Variants in FGF13 observed in about 807,000 individuals in gnomAD.
The protein encoded by FGF13 is fibroblast growth factor 13.
FGF13 carries 2 observed loss-of-function variants against 19.5 expected under a neutral mutation model. The observed-to-expected ratio is 0.10, with a 90% CI of 0.04 to 0.32. The LOEUF is 0.32. Among genes scored for constraint, FGF13 ranks in the 10% least tolerant of loss-of-function variants. The probability of loss-of-function intolerance (pLI) is 1.00; values close to 1 mark genes in which losing one functional copy is unlikely to be tolerated. For missense variants in FGF13, 113 were observed against 192.7 expected (o/e 0.59, Z 2.45); for synonymous variants, 72 against 76.9 (o/e 0.94, Z 0.33).
intron 1 of FGF13, among the ~76,000 whole-genome samples, chrX:139,128,241 GT>G (rs1011317416): frequency 1.8e-5 from 2 of 110,874 alleles, no homozygotes; most frequent in African/African-American, 6.6e-5. Context: ...CTTGTTTCTT[GT>G]TTTGTTTCTG....
chrX:138,851,189 G>A (rs1279812712), intron 3 of FGF13, among the ~76,000 whole-genome samples: 1 of 111,964 alleles, frequency 8.9e-6, no homozygotes, highest in Non-Finnish European at 1.9e-5. Context: ...GAATAGTGCT[G>A]CAGTGAACAT....
intron 1 of FGF13, among the ~76,000 whole-genome samples, chrX:139,135,672 CTG>C (rs2083794265): frequency 9.0e-6 from 1 of 111,612 alleles, no homozygotes; most frequent in Non-Finnish European, 1.9e-5. Flanking sequence ...CCTTAGTTTC[CTG>C]ACTCTATGTG....
chrX:139,175,390 T>C (rs1271748867), intron 1 of FGF13, among the ~76,000 whole-genome samples: 1 of 112,236 alleles, frequency 8.9e-6, no homozygotes, highest in Non-Finnish European at 1.9e-5. Context: ...AAATATGCTT[T>C]ATTTCTTTTT....
intron 1 of FGF13, among the ~76,000 whole-genome samples, chrX:139,193,237 C>T (rs2084346549): frequency 9.0e-6 from 1 of 110,754 alleles, no homozygotes; most frequent in Non-Finnish European, 1.9e-5. Flanking sequence ...CCAAATTCTA[C>T]GTAGATAGCC....
rs1262018691 is a variant in FGF13, at chrX:138,620,658, T to C, written c.*12192A>G. 1.8e-5 allele frequency: 2 copies of C among 111,535 alleles called. No homozygotes were observed. Among genetic ancestry groups the C allele is most frequent in the Non-Finnish European group, 3.8e-5 (2 of 53,145 alleles). The allele number at this position is 111,535 out of a possible 1,213,427, so 9.2% of individuals were successfully genotyped here. A position where few individuals can be genotyped will look rare whatever the true frequency, so the allele number is the denominator to read the frequency against. On this transcript the variant is annotated 3_prime_UTR_variant, in exon 5 of 5. Transcript: ENST00000315930. ...TATAAATAATTAATTTTAATGTAAGTAGATTAAATTCTCTAATCAAAAGAC... is the reference window on the plus strand; with the variant it reads ...TATAAATAATTAATTTTAATGTAAGCAGATTAAATTCTCTAATCAAAAGAC...
At chrX:138,784,083 C>A (rs1251695399) in intron 3 of FGF13, among the ~76,000 whole-genome samples, 1 of 96,688 alleles carries the variant, frequency 1.0e-5, no homozygotes, top group African/African-American at 3.8e-5. Context: ...CCAAACACCG[C>A]ATGTTCTCAC....
chrX:138,758,100 A>C (rs768929261), intron 3 of FGF13, among the ~76,000 whole-genome samples: 2 of 111,499 alleles, frequency 1.8e-5, no homozygotes, highest in Admixed American at 1.9e-4. Flanking sequence ...CTGCTCCTCA[A>C]AGTCAAGTTG....
chrX:138,689,911 C>G (rs767567307), intron 3 of FGF13, among the ~76,000 whole-genome samples: 1 of 111,821 alleles, frequency 8.9e-6, no homozygotes, highest in Non-Finnish European at 1.9e-5. Flanking sequence ...ACTGAAATAC[C>G]CTTGTAATGT....
chrX:138,664,823 G>C (rs2089524827), intron 3 of FGF13, among the ~76,000 whole-genome samples: 1 of 111,346 alleles, frequency 9.0e-6, no homozygotes, highest in Non-Finnish European at 1.9e-5. Flanking sequence ...CTGATTACAA[G>C]AATTTAGGAA....
intron 1 of FGF13, among the ~76,000 whole-genome samples, chrX:138,893,453 C>A (rs1347741906): frequency 9.0e-6 from 1 of 110,765 alleles, no homozygotes; most frequent in Non-Finnish European, 1.9e-5. Context: ...GGATTACCAC[C>A]CCCATTTTAA....
At chrX:138,690,816 T>C (rs1871542981) in intron 3 of FGF13, among the ~76,000 whole-genome samples, 1 of 111,407 alleles carries the variant, frequency 9.0e-6, no homozygotes, top group African/African-American at 3.3e-5. Context: ...AAAAATAGCA[T>C]TGCCAAGCTG....
intron 1 of FGF13, among the ~76,000 whole-genome samples, chrX:139,014,242 C>T (rs369293827): frequency 5.4e-5 from 6 of 110,321 alleles, no homozygotes; most frequent in Admixed American, 9.7e-5. Context: ...GTGGAATAAA[C>T]GAAATAATAA....
intron 1 of FGF13, among the ~76,000 whole-genome samples, chrX:138,947,488 T>C (rs1461472030): frequency 1.9e-5 from 2 of 106,262 alleles, no homozygotes; most frequent in African/African-American, 3.6e-5. Flanking sequence ...TGCTAACTGA[T>C]TGTGAAGAAA....
chrX:138,715,649 A>C (rs1009400258), upstream of FGF13, among the ~76,000 whole-genome samples: 4 of 111,831 alleles, frequency 3.6e-5, no homozygotes, highest in Non-Finnish European at 7.5e-5. Flanking sequence ...TATTTTTCCC[A>C]TATGTTCCTG....
intron 1 of FGF13, among the ~76,000 whole-genome samples, chrX:138,731,216 A>C (rs1222592127): frequency 1.8e-5 from 2 of 111,340 alleles, no homozygotes; most frequent in African/African-American, 6.5e-5. Context: ...AATCAATTTG[A>C]CCTGATATAA....
At chrX:138,903,935 A>C (rs993652228) in intron 1 of FGF13, among the ~76,000 whole-genome samples, 9 of 111,333 alleles carry the variant, frequency 8.1e-5, no homozygotes, top group African/African-American at 2.9e-4. Flanking sequence ...CATGGTAGGT[A>C]GGAAGGGGAA....
chrX:139,169,805 C>CT (rs1456003714), intron 1 of FGF13, among the ~76,000 whole-genome samples: 1 of 111,784 alleles, frequency 8.9e-6, no homozygotes, highest in African/African-American at 3.3e-5. Context: ...TTCATTGTCC[C>CT]TAGATAAGCC....
At chrX:138,995,145 A>G (rs1298764031) in intron 1 of FGF13, among the ~76,000 whole-genome samples, 1 of 111,117 alleles carries the variant, frequency 9.0e-6, no homozygotes, top group African/African-American at 3.3e-5. Context: ...CATGGCATGG[A>G]GAGAGAATCT....
intron 1 of FGF13, among the ~76,000 whole-genome samples, chrX:138,967,023 C>G (rs116164598): frequency 0.021 from 2,312 of 110,610 alleles, 61 homozygotes; most frequent in African/African-American, 0.071. Flanking sequence ...CTGAGGTCTC[C>G]CCAGGCACGT....
Sources: allele counts gnomAD v4.1 joint callset (sites outside exome capture counted in the v4.1 genomes callset), GRCh38; gene constraint gnomAD v4.1.1; transcripts MANE v1.5; gene names NCBI Gene and HGNC (gene_info 2026-07-23, HGNC 2026-07-21).